The following ALLC variants were observed in gnomAD, a reference collection of about 807,000 sequenced individuals.
ALLC encodes allantoicase.
Under a neutral mutation model 45.0 loss-of-function variants are expected in ALLC, and 40 were observed. That is an observed-to-expected ratio of 0.89 (90% CI 0.69 to 1.16). ALLC has a LOEUF of 1.16. ALLC is among the 50% of genes most tolerant of loss of function. The pLI is 0.00. For missense variants in ALLC, 488 were observed against 493.1 expected, an observed-to-expected ratio of 0.99 and a Z score of 0.10; for synonymous variants, 176 against 178.1, an observed-to-expected ratio of 0.99 and a Z score of 0.09.
chr2:3,686,193 A>G (rs1040780206), intron 7 of ALLC, among the ~76,000 whole-genome samples: 4 of 151,048 alleles, frequency 2.6e-5, no homozygotes, highest in African/African-American at 9.7e-5. Context: ...ATTCTTCGGC[A>G]TGCAGTTATC....
At chr2:3,666,337 T>C (rs1267667873) in intron 1 of ALLC, among the ~76,000 whole-genome samples, 1 of 152,250 alleles carries the variant, frequency 6.6e-6, no homozygotes, top group African/African-American at 2.4e-5. Flanking sequence ...TTGTAGTGAC[T>C]TAGCGTATCA....
At chr2:3,656,123 C>T (rs1204395365), upstream of ALLC, among the ~76,000 whole-genome samples, 1 of 152,238 alleles carries the variant, frequency 6.6e-6, no homozygotes, top group Non-Finnish European at 1.5e-5. Context: ...GCGCAGGGGT[C>T]GGGAGGAGCC....
intron 1 of ALLC, among the ~76,000 whole-genome samples, chr2:3,660,114 C>T (rs1315002594): frequency 6.6e-6 from 1 of 152,176 alleles, no homozygotes; most frequent in South Asian, 2.1e-4. Flanking sequence ...GTTATGGGGG[C>T]GGATCCCTCA....
chr2:3,654,094 C>T (rs1271545069), upstream of ALLC, among the ~76,000 whole-genome samples: 1 of 152,168 alleles, frequency 6.6e-6, no homozygotes, highest in Non-Finnish European at 1.5e-5. Context: ...GATCAGCTGC[C>T]AAGGTGGTTT....
At chr2:3,665,545 T>G (rs374087946) in intron 1 of ALLC, among the ~76,000 whole-genome samples, 1 of 152,226 alleles carries the variant, frequency 6.6e-6, no homozygotes, top group African/African-American at 2.4e-5. Context: ...CTCCCACTTA[T>G]GAGTGAGAAC....
the ALLC span, among the ~76,000 whole-genome samples, chr2:3,651,422 T>A: frequency 1.4e-4 from 8 of 56,442 alleles, no homozygotes; most frequent in Admixed American, 2.5e-4. Flanking sequence ...TGTGTGTGTG[T>A]GTGTGTGTGT....
upstream of ALLC, among the ~76,000 whole-genome samples, chr2:3,653,817 C>T (rs1666386378): frequency 6.6e-6 from 1 of 152,198 alleles, no homozygotes; most frequent in African/African-American, 2.4e-5. This position sits in a 1 kb window ranked among gnomAD's most constrained non-coding sequence, Gnocchi z 4.1. Context: ...CTTTCCCGCT[C>T]CTGCTACCCC....
Position 3,680,375 on chromosome 2 carries a change from C to T in ALLC, c.298+381C>T, listed in dbSNP as rs1667146691. Among the ~76,000 whole-genome samples, 3 of 152,160 alleles carry T rather than the reference C, an allele frequency of 2.0e-5. No homozygotes were observed. The highest frequency in any genetic ancestry group is 4.4e-5 in the Non-Finnish European group (3 of 68,032). On this transcript the variant is annotated intron_variant, in intron 5 of 11. Transcript: ENST00000252505. The surrounding 1 kb of genome is among the most constrained non-coding windows in gnomAD (Gnocchi z 4.0). ...GGGACAGCTGTGGGGTGAGCAGCAC[C>T]AGCCCTGCTTTGGGCTGTCCCAGTG...
the ALLC span, among the ~76,000 whole-genome samples, chr2:3,650,148 C>T: frequency 1.3e-5 from 2 of 152,164 alleles, no homozygotes; most frequent in East Asian, 3.9e-4. Context: ...ACAGTGCCCT[C>T]AATTGGAAGG....
the ALLC span, among the ~76,000 whole-genome samples, chr2:3,651,943 C>T: frequency 6.6e-6 from 1 of 152,226 alleles, no homozygotes; most frequent in Non-Finnish European, 1.5e-5. Context: ...CCATCAGGGT[C>T]TGTGGCCGGT....
rs189916941 is a variant in ALLC at position 3,685,573 on chromosome 2, C to G, written c.511+2499C>G. On this transcript the variant is annotated intron_variant, in intron 7 of 11. Coordinates refer to ENST00000252505, the MANE Select transcript of ALLC (RefSeq NM_018436.4). ...AACAGCATGGGGAAAACCACCCCAT[C>G]ATCCAATCACCTCTAAGCAGGTCCC... is the stretch of plus-strand genomic sequence containing the variant. Among the ~76,000 whole-genome samples the G allele has an allele frequency of 2.1e-4, 32 of 150,936 alleles. 3 individuals carry two copies. In the East Asian group the frequency reaches 5.8e-3, roughly 27 times the overall value.
chr2:3,702,317 A>G (rs770346032), intron 11 of ALLC, 46 bp from the exon 12 acceptor site: 52 of 1,577,092 alleles, frequency 3.3e-5, no homozygotes, highest in Non-Finnish European at 4.5e-5. Flanking sequence ...TCGGCCACAC[A>G]TGTCCTGTTA....
chr2:3,679,737 C>T, intron 4 of ALLC, 132 bp from the exon 5 acceptor site: 1 of 1,268,362 alleles, frequency 7.9e-7, no homozygotes, highest in Non-Finnish European at 1.1e-6. Flanking sequence ...AAGAACCGCC[C>T]TGAACAGTTT....
chr2:3,702,407 G>A lies in ALLC; in HGVS notation c.1020G>A (p.Glu340=), dbSNP rs201981665. Residue 340 remains glutamate (E), a synonymous_variant, in exon 12 of 12, where the codon GAG becomes GAA. Transcript: ENST00000252505. ...QSHLFDSLTL[E]LQDVITHARL... Reference sequence around the variant, plus strand: ...ATCTGTTCGATAGCCTGACCCTAGAGCTCCAAGATGTCATCACTCACGCCA... The same window carrying A: ...ATCTGTTCGATAGCCTGACCCTAGAACTCCAAGATGTCATCACTCACGCCA... 2.0e-5 allele frequency: 32 copies of A among 1,613,130 alleles called. No homozygotes were observed. Among genetic ancestry groups the A allele is most frequent in the Non-Finnish European group, 2.6e-5 (31 of 1,179,822 alleles).
chr2:3,696,423 C>T, intron 9 of ALLC, 75 bp downstream of exon 9: 1 of 1,316,298 alleles, frequency 7.6e-7, no homozygotes, highest in Non-Finnish European at 1.1e-6. Flanking sequence ...TTTAAATAAA[C>T]TTTTGCACAT....
intron 1 of ALLC, among the ~76,000 whole-genome samples, chr2:3,666,395 C>G (rs755672485): frequency 3.3e-5 from 5 of 152,204 alleles, no homozygotes; most frequent in Admixed American, 6.5e-5. Flanking sequence ...CCCAGCACTG[C>G]GTGATTTTGC....
intron 11 of ALLC, among the ~76,000 whole-genome samples, chr2:3,701,976 G>C (rs904517260): frequency 6.6e-6 from 1 of 152,190 alleles, no homozygotes; most frequent in African/African-American, 2.4e-5. Context: ...TATTCCACAA[G>C]TGTCTTCTTT....
chr2:3,692,222 T>C (rs916560723), intron 7 of ALLC, among the ~76,000 whole-genome samples: 3 of 152,218 alleles, frequency 2.0e-5, no homozygotes, highest in African/African-American at 7.2e-5. Flanking sequence ...GTCTTTTCTT[T>C]CTGGGTTGTT....
chr2:3,654,690 A>G (rs1176405364), upstream of ALLC, among the ~76,000 whole-genome samples: 1 of 152,198 alleles, frequency 6.6e-6, no homozygotes, highest in Non-Finnish European at 1.5e-5. Context: ...GTGAACCCTC[A>G]GGTGTGCAGG....
Sources: allele counts gnomAD v4.1 joint callset (sites outside exome capture counted in the v4.1 genomes callset), GRCh38; gene constraint gnomAD v4.1.1; non-coding constraint Gnocchi (gnomAD v3.1); transcripts MANE v1.5; gene names NCBI Gene and HGNC (gene_info 2026-07-23, HGNC 2026-07-21).